KLK6: variants seen among roughly 807,000 people sequenced by gnomAD.
KLK6 encodes kallikrein related peptidase 6.
KLK6 carries 16 observed loss-of-function variants against 21.7 expected under a neutral mutation model. The ratio of observed to expected loss-of-function variants is 0.74; its 90% confidence interval spans 0.50 to 1.12. The LOEUF (loss-of-function observed/expected upper bound fraction) is 1.12. Ranked by LOEUF, KLK6 falls within the 50% of genes most tolerant of loss-of-function variation. KLK6 has a pLI of 0.00. For missense variants in KLK6, 276 were observed against 304.6 expected (o/e 0.91, Z 0.70); for synonymous variants, 116 against 120.1 (o/e 0.97, Z 0.22).
intron 4 of KLK6, among the ~76,000 whole-genome samples, chr19:50,963,978 C>A (rs1175537345): frequency 6.6e-6 from 1 of 152,112 alleles, no homozygotes; most frequent in Admixed American, 6.6e-5. Context: ...TCTGCTCAGC[C>A]CCTCCTATGA....
chr19:50,964,652 A>C (rs2090897469), intron 4 of KLK6, among the ~76,000 whole-genome samples: 1 of 152,222 alleles, frequency 6.6e-6, no homozygotes, highest in Non-Finnish European at 1.5e-5. Flanking sequence ...TTCTATTCAG[A>C]TATAGTATCT....
chr19:50,969,308 A>T (rs2122193941), intron 1 of KLK6, among the ~76,000 whole-genome samples, 182 bp downstream of exon 1: 1 of 152,120 alleles, frequency 6.6e-6, no homozygotes, highest in South Asian at 2.1e-4. Context: ...TTTTGGAGAA[A>T]GAAAGTGTCT....
At chr19:50,964,282 C>T (rs1296594287) in intron 4 of KLK6, among the ~76,000 whole-genome samples, 4 of 152,170 alleles carry the variant, frequency 2.6e-5, no homozygotes, top group Non-Finnish European at 5.9e-5. Context: ...CTTAGTTGCC[C>T]AATTAAAATA....
At chr19:50,969,310 AAAGT>A (rs1231992607) in intron 1 of KLK6, among the ~76,000 whole-genome samples, 176 bp downstream of exon 1, 3 of 151,968 alleles carry the variant, frequency 2.0e-5, no homozygotes, top group African/African-American at 7.3e-5. Context: ...TTGGAGAAAG[AAAGT>A]GTCTGAAGAC....
chr19:50,958,940 G>A lies in KLK6; in HGVS notation c.*224C>T, dbSNP rs1016654003. 2.2e-5 allele frequency: 13 copies of A among 581,232 alleles called. No homozygotes were observed. The highest frequency in any genetic ancestry group is 4.0e-5 in the Non-Finnish European group (13 of 323,058). 36.0% of individuals were successfully genotyped at this position (581,232 alleles called of 1,614,324 possible). A position where few individuals can be genotyped will look rare whatever the true frequency, so the allele number is the denominator to read the frequency against. On this transcript the variant is annotated 3_prime_UTR_variant, in exon 7 of 7. Coordinates refer to ENST00000310157, the MANE Select transcript of KLK6 (RefSeq NM_002774.4). ...TTTCCTGTATTCTCTTAGTGGTGGG[G>A]GTAAGACCGAGGACCCAAGTCCTCA...
intron 4 of KLK6, among the ~76,000 whole-genome samples, chr19:50,966,598 C>G (rs1190014234): frequency 6.6e-6 from 1 of 152,188 alleles, no homozygotes; most frequent in African/African-American, 2.4e-5. Flanking sequence ...GTCAGGAGTT[C>G]GAGACCAGCC....
chr19:50,961,657 T>C lies in KLK6; in HGVS notation c.582+87A>G, dbSNP rs552933380. On this transcript the variant is annotated intron_variant, in intron 6 of 6. Coordinates refer to ENST00000310157, the MANE Select transcript of KLK6 (RefSeq NM_002774.4). The stretch of plus-strand genomic sequence containing the variant: ...GTCTCTGTAAAGCTCTCTTTTGGCC[T>C]GTGTCTCTCTCTTCCTGTGTCTGGC... 38 of 1,508,562 alleles carry C rather than the reference T, an allele frequency of 2.5e-5. No homozygotes were observed. In the African/African-American group the frequency reaches 4.7e-4, roughly 19 times the overall value. 93.4% of individuals were successfully genotyped at this position (1,508,562 alleles called of 1,614,324 possible). A position where few individuals can be genotyped will look rare whatever the true frequency, so the allele number is the denominator to read the frequency against.
intron 4 of KLK6, among the ~76,000 whole-genome samples, chr19:50,964,999 G>C (rs572611659): frequency 1.5e-4 from 23 of 152,312 alleles, no homozygotes; most frequent in East Asian, 1.2e-3. Flanking sequence ...TATCTCATTA[G>C]AAAGTCCTTC....
intron 3 of KLK6, among the ~76,000 whole-genome samples, chr19:50,967,552 A>ACACACACACACAC (rs1555781654): frequency 2.6e-4 from 13 of 50,612 alleles, no homozygotes; most frequent in African/African-American, 1.3e-3. Flanking sequence ...CACACACACA[A>ACACACACACACAC]ATTAGCAGGG....
intron 3 of KLK6, among the ~76,000 whole-genome samples, chr19:50,967,696 C>A (rs1318743272): frequency 9.9e-6 from 1 of 101,272 alleles, no homozygotes; most frequent in South Asian, 3.0e-4. Context: ...CAGAGTGAGA[C>A]CCTGTCTCAA....
chr19:50,961,586 T>C (rs957852453), intron 6 of KLK6, among the ~76,000 whole-genome samples, 158 bp downstream of exon 6: 7 of 152,174 alleles, frequency 4.6e-5, no homozygotes, highest in Non-Finnish European at 4.4e-5. Flanking sequence ...TTGAACTAAG[T>C]CTCTTCTTTT....
intron 4 of KLK6, among the ~76,000 whole-genome samples, chr19:50,964,263 G>A (rs1555781014): frequency 6.6e-6 from 1 of 152,152 alleles, no homozygotes; most frequent in Non-Finnish European, 1.5e-5. Flanking sequence ...GCCTCTCAGG[G>A]AAGCCTTCCT....
intron 4 of KLK6, among the ~76,000 whole-genome samples, chr19:50,966,533 GC>G (rs1390351125): frequency 6.6e-6 from 1 of 152,198 alleles, no homozygotes; most frequent in African/African-American, 2.4e-5. Flanking sequence ...TGTGGTGGTG[GC>G]TCATGCCTGT....
intron 2 of KLK6, 200 bp downstream of exon 2, chr19:50,968,341 C>A: frequency 1.7e-6 from 1 of 599,638 alleles, no homozygotes. Flanking sequence ...GTCCACTGGT[C>A]CAGTAACCCA....
At chr19:50,962,097 G>A (rs907983569) in intron 5 of KLK6, 2 of 490,622 alleles carry the variant, frequency 4.1e-6, no homozygotes, top group Admixed American at 3.9e-5. Context: ...CCCATTGGCT[G>A]TCTTCCTCAT....
intron 5 of KLK6, among the ~76,000 whole-genome samples, chr19:50,962,978 A>G (rs770230265): frequency 2.0e-5 from 3 of 152,102 alleles, no homozygotes; most frequent in Non-Finnish European, 4.4e-5. Flanking sequence ...AATCCTGATC[A>G]GTCCCCTTTG....
Position 50,959,213 on chromosome 19 carries a change from T to G in KLK6, c.686A>C (p.Asn229Thr), listed in dbSNP as rs1035508174. Residue 229 changes from asparagine (N) to threonine (T), a missense_variant, in exon 7 of 7, where the codon AAC becomes ACC. Physicochemically the swap from Asn to Thr is moderately conservative, Grantham distance 65 (BLOSUM62 0). Transcript: ENST00000310157. ...GATCCAGTTCGTGTATCTGCAGACG[T>G]TGGTGTAGACTCCTGGCTTCTCCTT... ...GSKEKPGVYTNVCRYTNWIQK... is the reference protein window; with the variant it reads ...GSKEKPGVYTTVCRYTNWIQK... 1.2e-6 allele frequency: 2 copies of G among 1,613,916 alleles called. No homozygotes were observed. The highest frequency in any genetic ancestry group is 1.7e-6 in the Non-Finnish European group (2 of 1,180,014).
At chr19:50,965,543 G>T (rs566202115) in intron 4 of KLK6, among the ~76,000 whole-genome samples, 1 of 152,294 alleles carries the variant, frequency 6.6e-6, no homozygotes, top group South Asian at 2.1e-4. Flanking sequence ...CTCCCAAAGT[G>T]CTGGGATTAC....
intron 3 of KLK6, among the ~76,000 whole-genome samples, chr19:50,967,803 C>T (rs189646411): frequency 6.6e-6 from 1 of 152,006 alleles, no homozygotes; most frequent in African/African-American, 2.4e-5. Context: ...TCCAACTTTC[C>T]AACCTACCTC....
Sources: allele counts gnomAD v4.1 joint callset (sites outside exome capture counted in the v4.1 genomes callset), GRCh38; gene constraint gnomAD v4.1.1; transcripts MANE v1.5; gene names NCBI Gene and HGNC (gene_info 2026-07-23, HGNC 2026-07-21).